The following GRIA4 variants were observed in gnomAD, a reference collection of about 807,000 sequenced individuals.
GRIA4 encodes glutamate receptor 4.
Under a neutral mutation model 104.0 loss-of-function variants are expected in GRIA4, and 34 were observed. That is an observed-to-expected ratio of 0.33 (90% confidence interval 0.25 to 0.44). The LOEUF is 0.44. GRIA4 is among the 20% of genes least tolerant of loss of function. The pLI, the probability that GRIA4 is intolerant of heterozygous loss-of-function variation, is 1.00. For synonymous variants in GRIA4, 386 were observed against 381.9 expected, an observed-to-expected ratio of 1.01 and a Z score of -0.13; for missense variants, 750 against 1,096.5, an observed-to-expected ratio of 0.68 and a Z score of 4.46.
intron 3 of GRIA4, among the ~76,000 whole-genome samples, chr11:105,660,504 C>T (rs902180848): frequency 6.6e-6 from 1 of 151,512 alleles, no homozygotes; most frequent in African/African-American, 2.4e-5. Context: ...TGCTTGAACA[C>T]AGAAAATTTA....
At chr11:105,864,286 A>G (rs1264389114) in intron 5 of GRIA4, among the ~76,000 whole-genome samples, 2 of 152,132 alleles carry the variant, frequency 1.3e-5, no homozygotes, top group Non-Finnish European at 2.9e-5. Flanking sequence ...ACAACTTTCA[A>G]TGTTTTCTTG....
At chr11:105,688,859 G>GA (rs1047210364) in intron 3 of GRIA4, among the ~76,000 whole-genome samples, 1 of 151,832 alleles carries the variant, frequency 6.6e-6, no homozygotes, top group Non-Finnish European at 1.5e-5. Flanking sequence ...GTGGTGCTAG[G>GA]AAAAAAAGTC....
intron 3 of GRIA4, among the ~76,000 whole-genome samples, chr11:105,670,504 G>A (rs2135435892): frequency 6.6e-6 from 1 of 152,198 alleles, no homozygotes; most frequent in Admixed American, 6.5e-5. Context: ...TTTAAGACCA[G>A]TTCTACTTTA....
At chr11:105,882,263 A>G (rs1946094188) in intron 5 of GRIA4, among the ~76,000 whole-genome samples, 1 of 152,198 alleles carries the variant, frequency 6.6e-6, no homozygotes, top group Admixed American at 6.5e-5. Flanking sequence ...TTGACTTATA[A>G]GATCAAATTA....
intron 4 of GRIA4, among the ~76,000 whole-genome samples, chr11:105,834,364 T>G (rs909003400): frequency 5.3e-5 from 8 of 152,072 alleles, no homozygotes; most frequent in African/African-American, 1.9e-4. Flanking sequence ...AGGACTTGGA[T>G]CCCAAATTAT....
chr11:105,639,157 A>T (rs1316596701), intron 3 of GRIA4, among the ~76,000 whole-genome samples: 8 of 152,128 alleles, frequency 5.3e-5, no homozygotes, highest in Non-Finnish European at 1.2e-4. Context: ...GAGAATATTC[A>T]TGCTATGTCA....
intron 3 of GRIA4, among the ~76,000 whole-genome samples, chr11:105,685,181 G>A (rs1328323943): frequency 2.8e-5 from 4 of 142,012 alleles, no homozygotes; most frequent in African/African-American, 1.0e-4. Context: ...GAGGGAGGGA[G>A]AGAGGGAGGG....
chr11:105,898,262 T>C lies in GRIA4; in HGVS notation c.727-7T>C. On this transcript the variant is annotated splice_region_variant and splice_polypyrimidine_tract_variant and intron_variant, in intron 6 of 16. Transcript: ENST00000282499. ...AATTTAACAATCTTTTGTATTAATT[T>C]TTATAGGGATTCAAGGATATTTCTC... The C allele has an allele frequency of 6.9e-7, 1 of 1,440,208 alleles. No individual in the cohort carries two copies. Among genetic ancestry groups the C allele is most frequent in the Non-Finnish European group, 9.7e-7 (1 of 1,035,202 alleles). The allele number at this position is 1,440,208 out of a possible 1,614,324, so 89.2% of individuals were successfully genotyped here.
intron 3 of GRIA4, among the ~76,000 whole-genome samples, chr11:105,617,218 AC>A (rs1328420270): frequency 6.7e-6 from 1 of 150,304 alleles, no homozygotes; most frequent in Non-Finnish European, 1.5e-5. Flanking sequence ...CTTTATGACA[AC>A]CATATATTTT....
At chr11:105,653,943 C>T (rs989083693) in intron 3 of GRIA4, among the ~76,000 whole-genome samples, 1 of 74,302 alleles carries the variant, frequency 1.3e-5, no homozygotes, top group South Asian at 4.4e-4. Context: ...AAAATAAGAA[C>T]AGTAAAAACA....
At chr11:105,623,762 T>G (rs1950814229) in intron 3 of GRIA4, among the ~76,000 whole-genome samples, 1 of 151,788 alleles carries the variant, frequency 6.6e-6, no homozygotes, top group Non-Finnish European at 1.5e-5. Context: ...AACCTAATGA[T>G]CATCTTTTTT....
chr11:105,883,756 T>C (rs1453218836), intron 5 of GRIA4, among the ~76,000 whole-genome samples: 1 of 152,184 alleles, frequency 6.6e-6, no homozygotes, highest in Non-Finnish European at 1.5e-5. Context: ...TGTGTCTTTA[T>C]AGCAGCATGA....
At chr11:105,960,073 T>C (rs1157034208) in intron 14 of GRIA4, among the ~76,000 whole-genome samples, 1 of 152,198 alleles carries the variant, frequency 6.6e-6, no homozygotes, top group Non-Finnish European at 1.5e-5. Context: ...ACAACCCCTG[T>C]TGGAGGGTCT....
At chr11:105,958,590 T>A (rs1201068473) in intron 14 of GRIA4, among the ~76,000 whole-genome samples, 2 of 152,150 alleles carry the variant, frequency 1.3e-5, no homozygotes, top group Non-Finnish European at 2.9e-5. Flanking sequence ...TTTTGTTGTG[T>A]CTCTGCCAGG....
intron 3 of GRIA4, among the ~76,000 whole-genome samples, chr11:105,752,337 T>C (rs961781578): frequency 2.0e-5 from 3 of 152,128 alleles, no homozygotes; most frequent in Admixed American, 6.6e-5. Flanking sequence ...TGGCCCCAAT[T>C]CATTAAGCCT....
chr11:105,715,429 C>A (rs936896136), intron 3 of GRIA4, among the ~76,000 whole-genome samples: 1 of 152,070 alleles, frequency 6.6e-6, no homozygotes, highest in Non-Finnish European at 1.5e-5. Flanking sequence ...GTCTATGTTT[C>A]CCTTTTTGTT....
chr11:105,829,509 C>T (rs1021964421), intron 4 of GRIA4, among the ~76,000 whole-genome samples: 1 of 151,910 alleles, frequency 6.6e-6, no homozygotes, highest in African/African-American at 2.4e-5. Flanking sequence ...GAACAGCCAT[C>T]GCAATTGTGT....
At chr11:105,978,599 A>G (rs1859113268) in intron 16 of GRIA4, among the ~76,000 whole-genome samples, 1 of 152,138 alleles carries the variant, frequency 6.6e-6, no homozygotes. Flanking sequence ...GGCAGAATAA[A>G]CACAGGGATG....
At chr11:105,708,893 A>C (rs1329302226) in intron 3 of GRIA4, among the ~76,000 whole-genome samples, 3 of 152,038 alleles carry the variant, frequency 2.0e-5, no homozygotes, top group Admixed American at 6.6e-5. Flanking sequence ...TAGATGTTGA[A>C]GTAAATGTAG....
Sources: allele counts gnomAD v4.1 joint callset (sites outside exome capture counted in the v4.1 genomes callset), GRCh38; gene constraint gnomAD v4.1.1; transcripts MANE v1.5; gene names NCBI Gene and HGNC (gene_info 2026-07-23, HGNC 2026-07-21).